NFS1: variants seen among roughly 807,000 people sequenced by gnomAD.
The protein encoded by NFS1 is NFS1 cysteine desulfurase, also known as cysteine desulfurase.
NFS1 carries 26 observed loss-of-function variants against 57.3 expected under a neutral mutation model. The ratio of observed to expected loss-of-function variants is 0.45; its 90% CI spans 0.33 to 0.63. NFS1 has a LOEUF of 0.63. Among genes scored for constraint, NFS1 ranks in the 20% least tolerant of loss-of-function variants. NFS1 has a pLI of 0.02. For synonymous variants in NFS1, 209 were observed against 216.3 expected (o/e 0.97, Z 0.30); for missense variants, 505 against 605.8 (o/e 0.83, Z 1.75).
chr20:35,694,632 G>A, intron 4 of NFS1: 1 of 152,186 alleles, frequency 6.6e-6, no homozygotes, highest in African/African-American at 2.4e-5. Flanking sequence ...AAGTAAAAAT[G>A]GTTGTGGGGC....
intron 4 of NFS1, among the ~76,000 whole-genome samples, chr20:35,692,526 C>CCAAAAAA (rs1568965170): frequency 5.0e-5 from 3 of 60,410 alleles, no homozygotes; most frequent in Admixed American, 2.3e-4. Flanking sequence ...ATCATCTATA[C>CCAAAAAA]TAAAAAAAAA....
In NFS1 at chr20:35,669,660, C is replaced by T; in HGVS notation, c.1336G>A (p.Gly446Ser). The T allele has an allele frequency of 6.2e-7, 1 of 1,614,158 alleles. No individual in the cohort carries two copies. Among genetic ancestry groups the T allele is most frequent in the Non-Finnish European group, 8.5e-7 (1 of 1,180,018 alleles). ...CACTTGATGCTCTTGAGGTCAATGC[C>T]ATCCTGAACCATCTCCCAGAGAGGG... ...MSPLWEMVQDGIDLKSIKWTQ... is the reference protein window; with the variant it reads ...MSPLWEMVQDSIDLKSIKWTQ... Residue 446 changes from glycine to serine, a missense_variant, in exon 13 of 13, where the codon GGC becomes AGC. Coordinates refer to ENST00000374092, the MANE Select transcript of NFS1 (RefSeq NM_021100.5).
At chr20:35,673,289 G>GAAA (rs72118863) in intron 11 of NFS1, among the ~76,000 whole-genome samples, 2 of 141,452 alleles carry the variant, frequency 1.4e-5, no homozygotes, top group Non-Finnish European at 1.6e-5. Flanking sequence ...CTCTGTCTCA[G>GAAA]AAAAAAAAAA....
intron 8 of NFS1, 83 bp downstream of exon 8, chr20:35,674,962 T>A: frequency 1.3e-6 from 2 of 1,562,814 alleles, no homozygotes; most frequent in Admixed American, 1.7e-5. Context: ...TGCAGAGATC[T>A]GCCTCAGTCA....
intron 9 of NFS1, 25 bp downstream of exon 9, chr20:35,674,487 G>A (rs368502050): frequency 1.5e-5 from 24 of 1,611,074 alleles, no homozygotes; most frequent in Non-Finnish European, 2.0e-5. Context: ...CTACCAGAAT[G>A]AGGATAGAAA....
intron 5 of NFS1, among the ~76,000 whole-genome samples, chr20:35,687,184 ACT>A (rs1240101518): frequency 6.6e-6 from 1 of 151,472 alleles, no homozygotes; most frequent in Non-Finnish European, 1.5e-5. Context: ...TTTAGAGAAG[ACT>A]CTACTCCTCC....
chr20:35,699,094 G>T lies in NFS1; in HGVS notation c.97+98C>A. ...ATTTGAGAGAAGGGTCAGAGGGTCTGGGCAGCAGGGTGGACAGGAAGGCTC... is the reference window on the plus strand; with the variant it reads ...ATTTGAGAGAAGGGTCAGAGGGTCTTGGCAGCAGGGTGGACAGGAAGGCTC... On this transcript the variant is annotated intron_variant, in intron 1 of 12. Coordinates refer to ENST00000374092, the MANE Select transcript of NFS1 (RefSeq NM_021100.5). This position sits in a 1 kb window ranked among gnomAD's most constrained non-coding sequence, Gnocchi z 4.4. 7.4e-7 allele frequency: 1 copy of T among 1,352,714 alleles called. No homozygotes were observed. The highest frequency in any genetic ancestry group is 1.8e-5 in the South Asian group (1 of 54,366). 83.8% of individuals were successfully genotyped at this position (1,352,714 alleles called of 1,614,324 possible). A position where few individuals can be genotyped will look rare whatever the true frequency, so the allele number is the denominator to read the frequency against.
Position 35,680,876 on chromosome 20 carries a change from G to A in NFS1, c.656-5C>T. ...TTCTGGAACTGCAAATCCGCCCTGAGGAAACAGAGGGGAAGACCCACAGCA... is the reference window on the plus strand; with the variant it reads ...TTCTGGAACTGCAAATCCGCCCTGAAGAAACAGAGGGGAAGACCCACAGCA... On this transcript the variant is annotated splice_polypyrimidine_tract_variant and splice_region_variant and intron_variant, in intron 6 of 12. Transcript: ENST00000374092. 1 of 1,497,408 alleles carries A rather than the reference G, an allele frequency of 6.7e-7. No homozygotes were observed. 92.8% of individuals were successfully genotyped at this position (1,497,408 alleles called of 1,614,324 possible). A position where few individuals can be genotyped will look rare whatever the true frequency, so the allele number is the denominator to read the frequency against.
chr20:35,685,423 T>C (rs527594717), intron 5 of NFS1, among the ~76,000 whole-genome samples: 4 of 150,862 alleles, frequency 2.7e-5, no homozygotes, highest in Non-Finnish European at 4.4e-5. Context: ...TTAGGATGCA[T>C]AGGCACAAGA....
chr20:35,674,519 A>G lies in NFS1; in HGVS notation c.1047T>C (p.His349=), dbSNP rs532091464. The G allele has an allele frequency of 6.2e-7, 1 of 1,613,806 alleles. No individual in the cohort carries two copies. Among genetic ancestry groups the G allele is most frequent in the African/African-American group, 1.3e-5 (1 of 75,030 alleles). ...GAAAGAGCAAGTCCATACCGGGATA[A>G]TGGTGCTTAGGGTCCCCATTCATCA... is the stretch of plus-strand genomic sequence containing the variant. The part of the protein sequence containing the change: ...DVVMNGDPKH[H]YPGCINLSFA... Residue 349 remains histidine (H), a synonymous_variant, in exon 9 of 13, where the codon CAT becomes CAC. Transcript: ENST00000374092.
intron 1 of NFS1, 133 bp from the exon 2 acceptor site, chr20:35,698,723 G>C: frequency 7.0e-7 from 1 of 1,418,868 alleles, no homozygotes. Flanking sequence ...AATCTCAATG[G>C]AAAGAAAACA....
In NFS1 at chr20:35,675,063, C is replaced by T; in HGVS notation, c.930G>A (p.Val310=). The change falls in exon 8 of 13, where the codon GTG becomes GTA. Residue 310 remains valine (V), a synonymous_variant. Coordinates refer to ENST00000374092, the MANE Select transcript of NFS1 (RefSeq NM_021100.5). ...CCCATACCTCCATCTCTTGCTGTGC[C>T]ACCTCACACGCAGCCCCCAGCCCCA... ...LVVGLGAACE[V]AQQEMEYDHK... The T allele has an allele frequency of 6.2e-7, 1 of 1,614,006 alleles. No individual in the cohort carries two copies. Among genetic ancestry groups the T allele is most frequent in the South Asian group, 1.1e-5 (1 of 91,082 alleles).
intron 5 of NFS1, among the ~76,000 whole-genome samples, 198 bp from the exon 6 acceptor site, chr20:35,682,179 A>T (rs541614955): frequency 1.3e-5 from 2 of 152,352 alleles, no homozygotes; most frequent in East Asian, 3.9e-4. Context: ...TGGGAATGTA[A>T]ATATCACAGC....
intron 7 of NFS1, among the ~76,000 whole-genome samples, chr20:35,679,904 GA>G (rs1364343659): frequency 6.6e-6 from 1 of 152,132 alleles, no homozygotes; most frequent in Non-Finnish European, 1.5e-5. Flanking sequence ...AGGGTTAAGG[GA>G]AAGAGGCATA....
chr20:35,698,419 T>C lies in NFS1; in HGVS notation c.207+62A>G, dbSNP rs899600139. The C allele has an allele frequency of 1.5e-5, 19 of 1,245,964 alleles. No homozygotes were observed. In the African/African-American group the frequency reaches 2.7e-4, roughly 18 times the overall value. The allele number at this position is 1,245,964 out of a possible 1,614,324, so 77.2% of individuals were successfully genotyped here. A position where few individuals can be genotyped will look rare whatever the true frequency, so the allele number is the denominator to read the frequency against. On this transcript the variant is annotated intron_variant, in intron 2 of 12. Coordinates refer to ENST00000374092, the MANE Select transcript of NFS1 (RefSeq NM_021100.5). Reference sequence around the variant, plus strand: ...CTTCTCCAGGGATTCAGCCATTTCTTTGCGTGATCACGCCCATCATTTACT... The same window carrying C: ...CTTCTCCAGGGATTCAGCCATTTCTCTGCGTGATCACGCCCATCATTTACT...
rs541711368 is a variant in NFS1, at chr20:35,688,249, C to G, written c.561+2164G>C. On this transcript the variant is annotated intron_variant, in intron 5 of 12. Coordinates refer to ENST00000374092, the MANE Select transcript of NFS1 (RefSeq NM_021100.5). ...GGGTGACAAGAGTGAAACTCCATCTCAAGAAAAAAAAAAAATTTAGCCAGG... is the reference window on the plus strand; with the variant it reads ...GGGTGACAAGAGTGAAACTCCATCTGAAGAAAAAAAAAAAATTTAGCCAGG... Among the ~76,000 whole-genome samples, 12 of 141,964 alleles carry G rather than the reference C, an allele frequency of 8.5e-5. No individual in the cohort carries two copies. In the East Asian group the frequency reaches 2.6e-3, roughly 31 times the overall value. 93.1% of individuals were successfully genotyped at this position (141,964 alleles called of 152,430 possible). A position where few individuals can be genotyped will look rare whatever the true frequency, so the allele number is the denominator to read the frequency against.
At chr20:35,692,468 G>A (rs971300515) in intron 4 of NFS1, 3 of 141,362 alleles carry the variant, frequency 2.1e-5, no homozygotes, top group East Asian at 2.0e-4. Context: ...GGGAGACTAA[G>A]GCAGGAGGAT....
intron 12 of NFS1, among the ~76,000 whole-genome samples, chr20:35,671,210 T>C (rs2034648612): frequency 6.6e-6 from 1 of 152,118 alleles, no homozygotes; most frequent in South Asian, 2.1e-4. Flanking sequence ...TTCACGCCAT[T>C]CTCCTGCCTC....
At chr20:35,693,052 G>T (rs990314638) in intron 4 of NFS1, among the ~76,000 whole-genome samples, 3 of 151,998 alleles carry the variant, frequency 2.0e-5, no homozygotes, top group Non-Finnish European at 1.5e-5. Flanking sequence ...CAGGATCAGG[G>T]ACTGGGGTCC....
Sources: gnomAD v4.1 joint callset for allele counts (sites outside exome capture counted in the v4.1 genomes callset) on GRCh38, gnomAD v4.1.1 for gene constraint, Gnocchi (gnomAD v3.1) non-coding constraint, MANE v1.5 for transcripts, NCBI Gene and HGNC (gene_info 2026-07-23, HGNC 2026-07-21) for gene names.